Variants in TSHZ3 observed in about 807,000 individuals in gnomAD.
TSHZ3 encodes teashirt zinc finger homeobox 3, also known as teashirt homolog 3.
A neutral mutation model predicts 64.5 loss-of-function variants in TSHZ3; 10 were observed. That is an observed-to-expected ratio of 0.16 (90% CI 0.10 to 0.26). The LOEUF (loss-of-function observed/expected upper bound fraction) is 0.26. Ranked by LOEUF, TSHZ3 falls within the 10% of genes least tolerant of loss-of-function variation. The probability of loss-of-function intolerance (pLI) is 1.00; values close to 1 mark genes in which losing one functional copy is unlikely to be tolerated. For synonymous variants in TSHZ3, 608 were observed against 593.1 expected, an observed-to-expected ratio of 1.03 and a Z score of -0.36; for missense variants, 1,242 against 1,421.7, an observed-to-expected ratio of 0.87 and a Z score of 2.03.
At chr19:31,238,596 A>AAATTGTTCTACCTTGCTAGTG (rs1975650816) in intron 3 of TSHZ3, among the ~76,000 whole-genome samples, 2 of 152,102 alleles carry the variant, frequency 1.3e-5, no homozygotes, top group Admixed American at 1.3e-4. Context: ...TACATATTTA[A>AAATTGTTCTACCTTGCTAGTG]AATTGTTCTA....
At chr19:31,190,177 C>T (rs1974880136) in intron 5 of TSHZ3, among the ~76,000 whole-genome samples, 1 of 152,122 alleles carries the variant, frequency 6.6e-6, no homozygotes, top group African/African-American at 2.4e-5. Flanking sequence ...ACTTAAAAGA[C>T]AGGTCATTAA....
chr19:31,253,459 G>A (rs1053619339), intron 1 of TSHZ3, among the ~76,000 whole-genome samples: 1 of 152,156 alleles, frequency 6.6e-6, no homozygotes, highest in Non-Finnish European at 1.5e-5. Context: ...CCCTCCACAG[G>A]GGTTAACAGA....
chr19:31,231,253 G>C (rs182314338), intron 3 of TSHZ3, among the ~76,000 whole-genome samples: 31 of 152,244 alleles, frequency 2.0e-4, no homozygotes, highest in African/African-American at 7.2e-4. Context: ...CTGAGACCAG[G>C]ATGGTGGCAC....
At chr19:31,330,453 T>C (rs572068365) in intron 1 of TSHZ3, among the ~76,000 whole-genome samples, 6 of 152,216 alleles carry the variant, frequency 3.9e-5, no homozygotes, top group Admixed American at 2.0e-4. Context: ...CGAGCTCCCA[T>C]GTGAAGTGCA....
At chr19:31,234,260 T>C (rs999707857) in intron 3 of TSHZ3, among the ~76,000 whole-genome samples, 8 of 152,206 alleles carry the variant, frequency 5.3e-5, no homozygotes, top group African/African-American at 1.4e-4. Context: ...GCTCTAGTAG[T>C]TTTTTTCATA....
At chr19:31,186,451 C>T (rs982283491) in intron 5 of TSHZ3, among the ~76,000 whole-genome samples, 1 of 152,118 alleles carries the variant, frequency 6.6e-6, no homozygotes, top group Admixed American at 6.5e-5. Context: ...GCACTTCTTG[C>T]CACTGCAATG....
At chr19:31,229,161 T>C (rs1021552760) in intron 3 of TSHZ3, among the ~76,000 whole-genome samples, 1 of 152,216 alleles carries the variant, frequency 6.6e-6, no homozygotes, top group African/African-American at 2.4e-5. Flanking sequence ...TCTATTATAA[T>C]TCCAATCCAA....
chr19:31,339,711 G>A (rs1437354442), intron 1 of TSHZ3, among the ~76,000 whole-genome samples: 2 of 151,526 alleles, frequency 1.3e-5, no homozygotes, highest in Non-Finnish European at 2.9e-5. Context: ...ATTCTCCGAC[G>A]TTTCAAGTGC....
chr19:31,285,072 G>A (rs555340396), intron 1 of TSHZ3, among the ~76,000 whole-genome samples: 1 of 152,280 alleles, frequency 6.6e-6, no homozygotes, highest in South Asian at 2.1e-4. Context: ...GGTCTCTGGG[G>A]TAGACAGGAT....
chr19:31,333,395 T>C (rs1045743365), intron 1 of TSHZ3, among the ~76,000 whole-genome samples: 1 of 151,950 alleles, frequency 6.6e-6, no homozygotes, highest in African/African-American at 2.4e-5. Flanking sequence ...GCCTACACTC[T>C]CCCTCCTGTA....
At chr19:31,245,968 C>A (rs1263209557) in intron 1 of TSHZ3, among the ~76,000 whole-genome samples, 1 of 152,202 alleles carries the variant, frequency 6.6e-6, no homozygotes, top group African/African-American at 2.4e-5. Context: ...CATGAAATGG[C>A]TGGGCATTCC....
chr19:31,243,631 G>A lies in TSHZ3; in HGVS notation n.64-756C>T, dbSNP rs886698638. 2.6e-5 allele frequency among the ~76,000 whole-genome samples: 4 copies of A among 152,210 alleles called. No individual in the cohort carries two copies. In the South Asian group the frequency reaches 6.2e-4, roughly 24 times the overall value. On this transcript the variant is annotated intron_variant and non_coding_transcript_variant, in intron 1 of 6. Transcript: ENST00000651361. ...AATAGCAGAAGCAGAGGGGGTGGGGGCAGATGCATGTCCCACCGACACAGG... is the reference window on the plus strand; with the variant it reads ...AATAGCAGAAGCAGAGGGGGTGGGGACAGATGCATGTCCCACCGACACAGG...
intron 1 of TSHZ3, among the ~76,000 whole-genome samples, chr19:31,314,128 A>C (rs1202248717): frequency 6.6e-6 from 1 of 152,118 alleles, no homozygotes; most frequent in African/African-American, 2.4e-5. Flanking sequence ...ATGATGACAC[A>C]GGGTTGCCTC....
At chr19:31,182,361 A>C (rs1437124684) in intron 5 of TSHZ3, among the ~76,000 whole-genome samples, 17 of 152,198 alleles carry the variant, frequency 1.1e-4, no homozygotes, top group Non-Finnish European at 5.9e-5. Flanking sequence ...TCAGACAATA[A>C]TCCTCAGCTC....
Position 31,308,696 on chromosome 19 carries a change from A to G in TSHZ3, c.41-28944T>C, listed in dbSNP as rs144555974. ...ACCACGTGCTGAGAACCTCCACCCA[A>G]TTGATGCTCTTGTCTGGAAAGAGAG... On this transcript the variant is annotated intron_variant, in intron 1 of 1. Coordinates refer to ENST00000240587, the MANE Select transcript of TSHZ3 (RefSeq NM_020856.4). The G allele has an allele frequency of 1.3e-3, 505 of 398,638 alleles. 6 individuals carry two copies. The highest frequency in any genetic ancestry group is 0.011 in the Admixed American group (244 of 22,736). The allele number at this position is 398,638 out of a possible 1,614,324, so 24.7% of individuals were successfully genotyped here.
chr19:31,235,012 T>A (rs942803471), intron 3 of TSHZ3, among the ~76,000 whole-genome samples: 4 of 152,354 alleles, frequency 2.6e-5, no homozygotes, highest in Admixed American at 2.0e-4. Flanking sequence ...GAAGTTTTTT[T>A]ATGATAAATT....
chr19:31,343,604 GATT>G (rs1283360713), intron 1 of TSHZ3, among the ~76,000 whole-genome samples: 1 of 151,440 alleles, frequency 6.6e-6, no homozygotes, highest in Admixed American at 6.6e-5. Context: ...GTCATAAGAA[GATT>G]ATGTTCTATT....
At chr19:31,322,483 C>T (rs1317510315) in intron 1 of TSHZ3, among the ~76,000 whole-genome samples, 2 of 152,000 alleles carry the variant, frequency 1.3e-5, no homozygotes, top group African/African-American at 4.8e-5. Context: ...TGCAGTGGTG[C>T]AATCATAGCT....
At chr19:31,181,835 C>T (rs914914754) in intron 5 of TSHZ3, among the ~76,000 whole-genome samples, 2 of 152,100 alleles carry the variant, frequency 1.3e-5, no homozygotes, top group Admixed American at 6.6e-5. Context: ...TGAAAAATTG[C>T]CACCTCGTTG....
Sources: gnomAD v4.1 joint callset for allele counts (sites outside exome capture counted in the v4.1 genomes callset) on GRCh38, gnomAD v4.1.1 for gene constraint, MANE v1.5 for transcripts, NCBI Gene and HGNC (gene_info 2026-07-23, HGNC 2026-07-21) for gene names.